Variants in POLE2 observed in about 807,000 individuals in gnomAD.
POLE2 encodes DNA polymerase epsilon subunit 2.
A neutral mutation model predicts 79.4 loss-of-function variants in POLE2; 56 were observed. That is an observed-to-expected ratio of 0.71 (90% CI 0.57 to 0.88). POLE2 has a LOEUF of 0.88. POLE2 is among the 40% of genes least tolerant of loss of function. The pLI, the probability that POLE2 is intolerant of heterozygous loss-of-function variation, is 0.00. For missense variants in POLE2, 598 were observed against 638.9 expected, an observed-to-expected ratio of 0.94 and a Z score of 0.69; for synonymous variants, 212 against 214.0, an observed-to-expected ratio of 0.99 and a Z score of 0.08.
chr14:49,655,804 A>G lies in POLE2; in HGVS notation c.795T>C (p.Ser265=). Residue 265 remains serine (S), a synonymous_variant, in exon 11 of 19, where the codon TCT becomes TCC. Transcript: ENST00000216367. ...YGNINFFGGP[S]NTSVKTSAKL... ...TTGCAGAAGTCTTCACAGATGTATT[A>G]GAAGGACCTCCAAAAAAATTAATAT... 1 of 1,583,216 alleles carries G rather than the reference A, an allele frequency of 6.3e-7. No individual in the cohort carries two copies.
intron 2 of POLE2, 148 bp downstream of exon 2, chr14:49,683,445 C>A (rs1886881200): frequency 4.2e-6 from 2 of 471,700 alleles, no homozygotes; most frequent in South Asian, 4.7e-5. Context: ...AAGGTATTAC[C>A]CCTTGGGAAG....
At chr14:49,645,574 G>C (rs375157780) in intron 18 of POLE2, among the ~76,000 whole-genome samples, 6 of 152,340 alleles carry the variant, frequency 3.9e-5, no homozygotes, top group African/African-American at 1.4e-4. Context: ...TGAGGCCACA[G>C]CAGATAAAGG....
At chr14:49,665,541 G>A (rs1167078528) in intron 7 of POLE2, among the ~76,000 whole-genome samples, 1 of 152,122 alleles carries the variant, frequency 6.6e-6, no homozygotes, top group African/African-American at 2.4e-5. Context: ...TTTATCCAGA[G>A]GTCACTACAG....
intron 10 of POLE2, among the ~76,000 whole-genome samples, chr14:49,661,684 A>C (rs933161932): frequency 5.3e-5 from 8 of 152,174 alleles, no homozygotes; most frequent in African/African-American, 1.7e-4. Flanking sequence ...CATAAAACAT[A>C]CTCACTAAAA....
At chr14:49,687,712 CT>C (rs1318931141) in intron 1 of POLE2, among the ~76,000 whole-genome samples, 1 of 151,812 alleles carries the variant, frequency 6.6e-6, no homozygotes, top group African/African-American at 2.4e-5. Flanking sequence ...CTTCTTAGAA[CT>C]TTTTTTTAAT....
intron 15 of POLE2, 30 bp from the exon 16 acceptor site, chr14:49,651,407 T>C: frequency 1.1e-6 from 1 of 946,774 alleles, no homozygotes; most frequent in Non-Finnish European, 1.6e-6. Context: ...TGAATTTGAC[T>C]TCTCAGAAAA....
intron 17 of POLE2, among the ~76,000 whole-genome samples, chr14:49,647,964 TAGG>T (rs949030290): frequency 4.6e-5 from 7 of 152,188 alleles, no homozygotes; most frequent in African/African-American, 1.2e-4. Context: ...TGGAAATGCT[TAGG>T]AGGAGCTCTA....
At chr14:49,647,410 A>G in intron 17 of POLE2, 50 bp from the exon 18 acceptor site, 1 of 824,106 alleles carries the variant, frequency 1.2e-6, no homozygotes, top group Non-Finnish European at 1.8e-6. Context: ...TTTTTTTTAA[A>G]ATAAATTTTT....
intron 10 of POLE2, among the ~76,000 whole-genome samples, chr14:49,662,911 C>CTT (rs1185527212): frequency 1.3e-5 from 2 of 152,170 alleles, no homozygotes. Flanking sequence ...TATTATGATG[C>CTT]TTTCACTTAT....
At chr14:49,665,036 G>A (rs1215448499) in intron 8 of POLE2, 71 bp downstream of exon 8, 4 of 750,284 alleles carry the variant, frequency 5.3e-6, no homozygotes, top group Non-Finnish European at 9.3e-6. Flanking sequence ...GTAAATTTTA[G>A]AAGGATATAT....
intron 2 of POLE2, among the ~76,000 whole-genome samples, chr14:49,682,580 T>C (rs1309913660): frequency 1.5e-5 from 2 of 132,450 alleles, no homozygotes; most frequent in Non-Finnish European, 3.0e-5. Flanking sequence ...GAGGATGCAG[T>C]GAGCCGAAAT....
intron 3 of POLE2, 110 bp from the exon 4 acceptor site, chr14:49,674,537 T>G: frequency 1.4e-6 from 1 of 705,540 alleles, no homozygotes; most frequent in South Asian, 1.7e-5. Flanking sequence ...TTTCACATTT[T>G]CTCAGGCCAG....
chr14:49,666,306 A>G (rs768490590), intron 7 of POLE2, 24 bp downstream of exon 7: 41 of 1,250,528 alleles, frequency 3.3e-5, no homozygotes, highest in Admixed American at 1.1e-4. Context: ...GCCAAAAATA[A>G]AAGTTTGATG....
intron 18 of POLE2, among the ~76,000 whole-genome samples, chr14:49,646,302 G>GTTTTTTTTTTTTTTTTT (rs1162033821): frequency 2.1e-4 from 18 of 84,572 alleles, no homozygotes; most frequent in Non-Finnish European, 2.5e-4. Context: ...TTTTTTGTTG[G>GTTTTTTTTTTTTTTTTT]TTTTTTTTTT....
Position 49,647,252 on chromosome 14 carries a change from T to C in POLE2, c.1565+41A>G. On this transcript the variant is annotated intron_variant, in intron 18 of 18. Coordinates refer to ENST00000216367, the MANE Select transcript of POLE2 (RefSeq NM_002692.4). ...ATCTCATTTTCAGTAATTTAACACC[T>C]AGAGAAAGATCTTTCTTGCTGTGTC... is the stretch of plus-strand genomic sequence containing the variant. 4.7e-6 allele frequency: 5 copies of C among 1,056,202 alleles called. No homozygotes were observed. The South Asian group carries it at 5.7e-5, about 12-fold the overall frequency. 65.4% of individuals were successfully genotyped at this position (1,056,202 alleles called of 1,614,324 possible).
intron 7 of POLE2, among the ~76,000 whole-genome samples, chr14:49,665,466 A>G (rs1885414673): frequency 6.6e-6 from 1 of 152,178 alleles, no homozygotes; most frequent in Admixed American, 6.6e-5. Flanking sequence ...AAGACAGCCA[A>G]CAGCATGTCC....
chr14:49,643,681 A>G lies in POLE2; in HGVS notation c.1566-11T>C. The G allele has an allele frequency of 7.6e-7, 1 of 1,307,908 alleles. No individual in the cohort carries two copies. Among genetic ancestry groups the G allele is most frequent in the South Asian group, 1.3e-5 (1 of 77,354 alleles). 81.0% of individuals were successfully genotyped at this position (1,307,908 alleles called of 1,614,324 possible). On this transcript the variant is annotated splice_polypyrimidine_tract_variant and intron_variant, in intron 18 of 18. Transcript: ENST00000216367. Reference sequence around the variant, plus strand: ...AAGCCTTGAAGTTTGCTGAAAATAGAAAAAAAAATTAAATATTTGGAAACC... The same window carrying G: ...AAGCCTTGAAGTTTGCTGAAAATAGGAAAAAAAATTAAATATTTGGAAACC...
chr14:49,676,570 C>T (rs1886291336), intron 3 of POLE2, among the ~76,000 whole-genome samples: 1 of 152,248 alleles, frequency 6.6e-6, no homozygotes, highest in Non-Finnish European at 1.5e-5. Flanking sequence ...ACTGGACCTC[C>T]ATGTAGGCTG....
At chr14:49,653,795 G>A (rs1884452805) in intron 15 of POLE2, 195 bp downstream of exon 15, 4 of 477,048 alleles carry the variant, frequency 8.4e-6, no homozygotes, top group African/African-American at 5.9e-5. Context: ...CCACAGGCGC[G>A]TGCCACCAAG....
Sources: gnomAD v4.1 joint callset for allele counts (sites outside exome capture counted in the v4.1 genomes callset) on GRCh38, gnomAD v4.1.1 for gene constraint, MANE v1.5 for transcripts, NCBI Gene and HGNC (gene_info 2026-07-23, HGNC 2026-07-21) for gene names.